SEMA4G: variants seen among roughly 807,000 people sequenced by gnomAD.
SEMA4G encodes semaphorin-4G.
In SEMA4G, 59 loss-of-function variants were observed where a neutral mutation model predicts 81.2. That is an observed-to-expected ratio of 0.73 (90% CI 0.59 to 0.90). The LOEUF is 0.90. Ranked by LOEUF, SEMA4G falls within the 40% of genes least tolerant of loss-of-function variation. The probability of loss-of-function intolerance (pLI) is 0.00; values close to 1 mark genes in which losing one functional copy is unlikely to be tolerated. For synonymous variants in SEMA4G, 404 were observed against 433.9 expected, an observed-to-expected ratio of 0.93 and a Z score of 0.86; for missense variants, 952 against 1,102.3, an observed-to-expected ratio of 0.86 and a Z score of 1.93.
chr10:100,981,096 A>T, intron 12 of SEMA4G, 72 bp from the exon 14 acceptor site: 1 of 1,608,152 alleles, frequency 6.2e-7, no homozygotes. Context: ...TTAGTAACAG[A>T]CCTATCTACC....
At chr10:100,975,012 G>C in intron 3 of SEMA4G, 1 of 534,170 alleles carries the variant, frequency 1.9e-6, no homozygotes, top group Non-Finnish European at 3.8e-6. Flanking sequence ...GGGTGGTGTT[G>C]GGACAGCTCC....
At chr10:100,980,124 T>C in exon 10 of SEMA4G, 1 of 1,614,162 alleles carries the variant, frequency 6.2e-7, no homozygotes, top group Non-Finnish European at 8.5e-7. Flanking sequence ...CACGCCAGTG[T>C]ATCACAGATT....
At chr10:100,981,273 CTCTT>C in intron 13 of SEMA4G, 44 bp downstream of exon 14, 4 of 1,606,402 alleles carry the variant, frequency 2.5e-6, no homozygotes, top group Non-Finnish European at 2.6e-6. Flanking sequence ...GCAGACTGTC[CTCTT>C]TGCCATTTAC....
chr10:100,976,569 C>T (rs1375639631), intron 3 of SEMA4G, among the ~76,000 whole-genome samples: 1 of 152,174 alleles, frequency 6.6e-6, no homozygotes, highest in Non-Finnish European at 1.5e-5. Flanking sequence ...AGTGATCCTC[C>T]CACCTCAGCC....
chr10:100,973,438 A>T lies in SEMA4G; in HGVS notation c.274-109A>T, dbSNP rs1199600731. Reference sequence around the variant, plus strand: ...TCCTTGCATTCAGTGTTCCTCCTGAAATTGATCCCCACCCCAATTTCCCCA... The same window carrying T: ...TCCTTGCATTCAGTGTTCCTCCTGATATTGATCCCCACCCCAATTTCCCCA... On this transcript the variant is annotated intron_variant, in intron 2 of 13. Transcript: ENST00000370250. The surrounding 1 kb of genome is among the most constrained non-coding windows in gnomAD (Gnocchi z 5.5). 1 of 1,421,366 alleles carries T rather than the reference A, an allele frequency of 7.0e-7. No individual in the cohort carries two copies. The highest frequency in any genetic ancestry group is 9.8e-7 in the Non-Finnish European group (1 of 1,024,468). 88.0% of individuals were successfully genotyped at this position (1,421,366 alleles called of 1,614,324 possible).
chr10:100,984,026 T>C (rs1157657574), exon 14 of SEMA4G: 2 of 1,613,122 alleles, frequency 1.2e-6, no homozygotes, highest in East Asian at 2.2e-5. Flanking sequence ...AGAGCAACAA[T>C]GGAGTACCAG....
upstream of SEMA4G, chr10:100,969,638 G>A (rs1270997784): frequency 3.1e-6 from 1 of 325,052 alleles, no homozygotes. Flanking sequence ...TGAGCCTGGG[G>A]CTGCGGGCCG....
chr10:100,974,355 C>T (rs1347654707), intron 3 of SEMA4G, among the ~76,000 whole-genome samples: 4 of 151,970 alleles, frequency 2.6e-5, no homozygotes, highest in Non-Finnish European at 5.9e-5. Flanking sequence ...GTCCCAGCTA[C>T]TTGGGAAGCT....
At chr10:100,983,809 G>C in exon 14 of SEMA4G, 1 of 1,604,348 alleles carries the variant, frequency 6.2e-7, no homozygotes, top group East Asian at 2.2e-5. Flanking sequence ...ACAGTCTCAG[G>C]CCAGTGTCCT....
chr10:100,978,759 T>C, intron 6 of SEMA4G, 90 bp from the exon 8 acceptor site: 1 of 1,566,024 alleles, frequency 6.4e-7, no homozygotes. Flanking sequence ...ATTCCATTCC[T>C]GTGTGTTGTC....
exon 14 of SEMA4G, chr10:100,984,521 G>T (rs1851324366): frequency 1.3e-6 from 2 of 1,535,986 alleles, no homozygotes; most frequent in African/African-American, 1.4e-5. Context: ...TGGGCTCAAT[G>T]TCACCACCCT....
exon 7 of SEMA4G, chr10:100,978,927 T>A (rs1329808982): frequency 3.7e-6 from 6 of 1,614,126 alleles, no homozygotes; most frequent in Admixed American, 3.3e-5. Flanking sequence ...GTGTACTACT[T>A]CTTCACGGAG....
exon 14 of SEMA4G, chr10:100,984,592 A>G (rs1204147027): frequency 6.5e-7 from 1 of 1,536,052 alleles, no homozygotes. Context: ...CAGCCACCTA[A>G]GCCCTGCGTA....
intron 4 of SEMA4G, chr10:100,978,030 G>A: frequency 1.7e-6 from 1 of 572,396 alleles, no homozygotes; most frequent in South Asian, 2.1e-5. Flanking sequence ...TGTTCCACAG[G>A]ATGGGCTAGG....
intron 3 of SEMA4G, chr10:100,975,162 G>C: frequency 2.3e-6 from 1 of 428,200 alleles, no homozygotes; most frequent in Non-Finnish European, 4.7e-6. Context: ...GTTTTATTCT[G>C]TGACAGTGAA....
chr10:100,984,735 T>G lies in SEMA4G; in HGVS notation c.*604T>G, dbSNP rs1223598937. 6 of 1,536,170 alleles carry G rather than the reference T, an allele frequency of 3.9e-6. No individual in the cohort carries two copies. The East Asian group carries it at 1.5e-4, about 38-fold the overall frequency. ...ACCCTCCCAATTGCCACATCCTATC[T>G]GGTCCTCTTCCCCAGCCCCATGTGG... On this transcript the variant is annotated 3_prime_UTR_variant, in exon 14 of 14. Coordinates refer to ENST00000370250, the Ensembl canonical transcript of SEMA4G.
intron 8 of SEMA4G, 115 bp downstream of exon 9, chr10:100,979,386 A>ATT (rs35784439): frequency 7.7e-4 from 1,125 of 1,462,862 alleles, no homozygotes; most frequent in Middle Eastern, 8.7e-4. Context: ...CAAAGTGAGA[A>ATT]TTTTTTTTTT....
exon 11 of SEMA4G, chr10:100,980,629 T>C (rs372822376): frequency 1.5e-5 from 25 of 1,614,092 alleles, no homozygotes; most frequent in African/African-American, 2.7e-5. Context: ...ATGCACATTA[T>C]TGAAGAGACA....
At chr10:100,980,578 C>T (rs1851018889) in exon 11 of SEMA4G, 1 of 1,613,332 alleles carries the variant, frequency 6.2e-7, no homozygotes, top group East Asian at 2.2e-5. Flanking sequence ...TCCATACCAG[C>T]TGATGGCTGG....
Sources: allele counts gnomAD v4.1 joint callset (sites outside exome capture counted in the v4.1 genomes callset), GRCh38; gene constraint gnomAD v4.1.1; non-coding constraint Gnocchi (gnomAD v3.1); transcripts MANE v1.5; gene names NCBI Gene and HGNC (gene_info 2026-07-23, HGNC 2026-07-21).